The following TSPAN5 variants were observed in gnomAD, a reference collection of about 807,000 sequenced individuals.
TSPAN5 encodes the protein tetraspanin-5.
Under a neutral mutation model 37.1 loss-of-function variants are expected in TSPAN5, and 10 were observed. The ratio of observed to expected loss-of-function variants is 0.27; its 90% CI spans 0.17 to 0.46. The LOEUF (loss-of-function observed/expected upper bound fraction) is 0.46. TSPAN5 is among the 20% of genes least tolerant of loss of function. The probability of loss-of-function intolerance (pLI) is 1.00; values close to 1 mark genes in which losing one functional copy is unlikely to be tolerated. For missense variants in TSPAN5, 195 were observed against 326.6 expected (o/e 0.60, Z 3.11); for synonymous variants, 110 against 118.9 (o/e 0.93, Z 0.48).
At chr4:98,574,313 T>C (rs951100400) in intron 1 of TSPAN5, 13 of 152,226 alleles carry the variant, frequency 8.5e-5, no homozygotes, top group African/African-American at 2.4e-4. Context: ...TTCCTCGTCA[T>C]AGAGTTTCAC....
At chr4:98,655,197 A>G (rs1011801690) in intron 1 of TSPAN5, among the ~76,000 whole-genome samples, 2 of 152,040 alleles carry the variant, frequency 1.3e-5, no homozygotes, top group Non-Finnish European at 2.9e-5. Context: ...TTTTTTATGA[A>G]AGGATCTTTG....
At chr4:98,562,336 G>A (rs1754898051) in intron 1 of TSPAN5, among the ~76,000 whole-genome samples, 1 of 152,098 alleles carries the variant, frequency 6.6e-6, no homozygotes, top group Non-Finnish European at 1.5e-5. Context: ...GATGAAAACT[G>A]AAATAAGACA....
chr4:98,621,664 G>A (rs761035610), intron 1 of TSPAN5, among the ~76,000 whole-genome samples: 7 of 152,024 alleles, frequency 4.6e-5, no homozygotes, highest in African/African-American at 9.7e-5. Flanking sequence ...CACTGCGCCC[G>A]GCCAGATGTC....
At chr4:98,543,812 A>G (rs1471470262) in intron 1 of TSPAN5, among the ~76,000 whole-genome samples, 1 of 152,060 alleles carries the variant, frequency 6.6e-6, no homozygotes, top group African/African-American at 2.4e-5. Context: ...ACCTTTTTCT[A>G]TATGTGAACT....
chr4:98,530,726 A>C (rs1025269717), intron 1 of TSPAN5, among the ~76,000 whole-genome samples: 3 of 89,626 alleles, frequency 3.3e-5, no homozygotes, highest in African/African-American at 1.6e-4. Flanking sequence ...ATACACACAT[A>C]TTATACACAC....
chr4:98,470,588 C>A lies in TSPAN5; in HGVS notation c.*1934G>T, dbSNP rs1250401239. The A allele has an allele frequency of 1.3e-5, 2 of 152,156 alleles. No homozygotes were observed. Among genetic ancestry groups the A allele is most frequent in the Admixed American group, 6.5e-5 (1 of 15,278 alleles). The allele number at this position is 152,156 out of a possible 1,614,324, so 9.4% of individuals were successfully genotyped here. A position where few individuals can be genotyped will look rare whatever the true frequency, so the allele number is the denominator to read the frequency against. Reference sequence around the variant, plus strand: ...CAACAAAAAAGACAAATGATGCCAACTGGAGAGAGCTCGTGTCTTCTCCAT... The same window carrying A: ...CAACAAAAAAGACAAATGATGCCAAATGGAGAGAGCTCGTGTCTTCTCCAT... On this transcript the variant is annotated 3_prime_UTR_variant, in exon 8 of 8. Coordinates refer to ENST00000305798, the MANE Select transcript of TSPAN5 (RefSeq NM_005723.4).
At chr4:98,561,794 T>G (rs1754887993) in intron 1 of TSPAN5, among the ~76,000 whole-genome samples, 1 of 152,228 alleles carries the variant, frequency 6.6e-6, no homozygotes, top group African/African-American at 2.4e-5. Flanking sequence ...CAAAGCCTGG[T>G]AAGGCCAGGC....
chr4:98,503,945 C>T (rs1753414486), intron 2 of TSPAN5, among the ~76,000 whole-genome samples: 1 of 152,214 alleles, frequency 6.6e-6, no homozygotes, highest in Admixed American at 6.5e-5. Context: ...GCACATAAAT[C>T]AGCTTCCCTT....
chr4:98,551,554 C>T (rs1349242390), intron 1 of TSPAN5, among the ~76,000 whole-genome samples: 3 of 144,380 alleles, frequency 2.1e-5, no homozygotes, highest in East Asian at 2.0e-4. Flanking sequence ...TGCAGTGGCG[C>T]GATCTTGGCT....
intron 4 of TSPAN5, among the ~76,000 whole-genome samples, chr4:98,479,593 A>G (rs1424496553): frequency 2.0e-5 from 3 of 152,184 alleles, no homozygotes; most frequent in South Asian, 2.1e-4. Flanking sequence ...GCACCTGTCC[A>G]TATGTATAAG....
Position 98,652,776 on chromosome 4 carries a change from A to G in TSPAN5, c.81+5370T>C, listed in dbSNP as rs1296027114. ...TCTGTTAAAAATGCAGATTGCTTTC[A>G]CCTTTTGCCAGGGACTACCTATTAC... On this transcript the variant is annotated intron_variant, in intron 1 of 7. Transcript: ENST00000305798. Among the ~76,000 whole-genome samples the G allele has an allele frequency of 2.0e-5, 3 of 152,222 alleles. No individual in the cohort carries two copies. The East Asian group carries it at 5.8e-4, about 29-fold the overall frequency.
intron 1 of TSPAN5, among the ~76,000 whole-genome samples, chr4:98,559,415 A>G (rs1238307440): frequency 6.6e-6 from 1 of 152,216 alleles, no homozygotes; most frequent in Admixed American, 6.5e-5. Context: ...TGCAGAAAGG[A>G]AGGAAAATTT....
chr4:98,647,432 CTTAA>C (rs924563040), intron 1 of TSPAN5, among the ~76,000 whole-genome samples: 10 of 152,182 alleles, frequency 6.6e-5, no homozygotes, highest in Non-Finnish European at 1.3e-4. Flanking sequence ...ATTAGGACTA[CTTAA>C]TTGAGTACAA....
At position 98,472,457 on chromosome 4, in the gene TSPAN5, C is replaced by T. The variant is rs573158640; in HGVS notation, c.*65G>A. The T allele has an allele frequency of 4.1e-5, 60 of 1,461,992 alleles. No homozygotes were observed. In the South Asian group the frequency reaches 5.1e-4, roughly 12 times the overall value. 90.6% of individuals were successfully genotyped at this position (1,461,992 alleles called of 1,614,324 possible). ...GGTCCATGCAGCTCGAAGATCAGTT[C>T]GGCACGCGGGAGGGTCCCGAAAGCT... On this transcript the variant is annotated 3_prime_UTR_variant, in exon 8 of 8. Transcript: ENST00000305798.
At chr4:98,636,040 C>T (rs952392105) in intron 1 of TSPAN5, among the ~76,000 whole-genome samples, 5 of 152,200 alleles carry the variant, frequency 3.3e-5, no homozygotes, top group African/African-American at 1.2e-4. Flanking sequence ...GCTTTGTACT[C>T]ATTACCTCTT....
intron 1 of TSPAN5, among the ~76,000 whole-genome samples, chr4:98,548,924 C>G (rs1239088014): frequency 7.1e-6 from 1 of 141,156 alleles, no homozygotes; most frequent in Non-Finnish European, 1.5e-5. Flanking sequence ...TGTGTGTAAC[C>G]CACATTTTCT....
At chr4:98,655,588 G>T (rs945997006) in intron 1 of TSPAN5, among the ~76,000 whole-genome samples, 2 of 152,202 alleles carry the variant, frequency 1.3e-5, no homozygotes, top group Non-Finnish European at 2.9e-5. Context: ...TAGCAGTTCA[G>T]TGTGAAAATG....
intron 2 of TSPAN5, among the ~76,000 whole-genome samples, chr4:98,495,177 G>A (rs897738963): frequency 6.6e-5 from 10 of 152,140 alleles, no homozygotes; most frequent in Non-Finnish European, 1.2e-4. Context: ...TTCTATCCCC[G>A]TTAGATCTGG....
intron 1 of TSPAN5, among the ~76,000 whole-genome samples, chr4:98,581,346 TTAA>T (rs776577851): frequency 5.3e-5 from 8 of 152,162 alleles, no homozygotes; most frequent in Non-Finnish European, 1.2e-4. Context: ...CTCACTTCTA[TTAA>T]TAATATGTTT....
Sources: gnomAD v4.1 joint callset for allele counts (sites outside exome capture counted in the v4.1 genomes callset) on GRCh38, gnomAD v4.1.1 for gene constraint, MANE v1.5 for transcripts, NCBI Gene and HGNC (gene_info 2026-07-23, HGNC 2026-07-21) for gene names.